HORMAD2: variants seen among roughly 807,000 people sequenced by gnomAD.
HORMAD2 encodes HORMA domain containing 2.
HORMAD2 carries 45 observed loss-of-function variants against 38.8 expected under a neutral mutation model. The ratio of observed to expected loss-of-function variants is 1.16; its 90% CI spans 0.91 to 1.49. The LOEUF (loss-of-function observed/expected upper bound fraction) is 1.49. Ranked by LOEUF, HORMAD2 falls within the 40% of genes most tolerant of loss-of-function variation. HORMAD2 has a pLI of 0.00. For synonymous variants in HORMAD2, 126 were observed against 122.8 expected, an observed-to-expected ratio of 1.03 and a Z score of -0.17; for missense variants, 338 against 367.0, an observed-to-expected ratio of 0.92 and a Z score of 0.65.
chr22:30,172,927 C>G (rs928113770), intron 10 of HORMAD2, among the ~76,000 whole-genome samples: 3 of 151,622 alleles, frequency 2.0e-5, no homozygotes, highest in Admixed American at 2.0e-4. Context: ...GGAGTTTACA[C>G]TGTGGATGGG....
the HORMAD2 span, among the ~76,000 whole-genome samples, chr22:30,201,200 C>T: frequency 7.2e-5 from 11 of 152,218 alleles, no homozygotes; most frequent in Non-Finnish European, 1.2e-4. Context: ...ATTCTTGGCA[C>T]GCAGGCCCAT....
chr22:30,189,459 A>T, the HORMAD2 span, among the ~76,000 whole-genome samples: 2 of 152,182 alleles, frequency 1.3e-5, no homozygotes, highest in African/African-American at 4.8e-5. Flanking sequence ...CAGAGGACTT[A>T]CAAAGGGTTT....
chr22:30,107,845 T>A (rs1170201535), intron 5 of HORMAD2, among the ~76,000 whole-genome samples: 2 of 151,910 alleles, frequency 1.3e-5, no homozygotes, highest in East Asian at 3.9e-4. Flanking sequence ...AAGAGCATGA[T>A]TATTTCTAGT....
At chr22:30,198,936 T>G in the HORMAD2 span, among the ~76,000 whole-genome samples, 1 of 152,194 alleles carries the variant, frequency 6.6e-6, no homozygotes, top group Admixed American at 6.5e-5. Flanking sequence ...CAGGTCTGTG[T>G]ACCAGCTTCG....
In HORMAD2 at chr22:30,082,682, T is replaced by C. The variant is rs138976586; in HGVS notation, c.-38+2191T>C. On this transcript the variant is annotated intron_variant, in intron 1 of 10. Coordinates refer to ENST00000336726, the MANE Select transcript of HORMAD2 (RefSeq NM_152510.4). ...GGTGGTGCATGCATATAGTCTCAGCTACTTGGAAGGCTGAGATAGGAGGAT... is the reference window on the plus strand; with the variant it reads ...GGTGGTGCATGCATATAGTCTCAGCCACTTGGAAGGCTGAGATAGGAGGAT... Among the ~76,000 whole-genome samples, 97 of 151,640 alleles carry C rather than the reference T, an allele frequency of 6.4e-4. 2 individuals carry two copies. The highest frequency in any genetic ancestry group is 3.4e-3 in the Middle Eastern group (1 of 294).
At chr22:30,168,111 A>T (rs1925894457) in intron 10 of HORMAD2, among the ~76,000 whole-genome samples, 1 of 152,186 alleles carries the variant, frequency 6.6e-6, no homozygotes, top group South Asian at 2.1e-4. Context: ...ACTCTACATT[A>T]TTTTTACAAA....
At chr22:30,171,909 G>C (rs937634938) in intron 10 of HORMAD2, among the ~76,000 whole-genome samples, 1 of 152,104 alleles carries the variant, frequency 6.6e-6, no homozygotes, top group African/African-American at 2.4e-5. Context: ...ATGTGCAAAG[G>C]TTTAGAATCA....
At position 30,083,223 on chromosome 22, in the gene HORMAD2, C is replaced by T. The variant is rs12167143; in HGVS notation, c.-38+2732C>T. Among the ~76,000 whole-genome samples, 588 of 152,236 alleles carry T rather than the reference C, an allele frequency of 3.9e-3. 7 individuals carry two copies. The highest frequency in any genetic ancestry group is 0.014 in the African/African-American group (569 of 41,536). On this transcript the variant is annotated intron_variant, in intron 1 of 10. Coordinates refer to ENST00000336726, the MANE Select transcript of HORMAD2 (RefSeq NM_152510.4). ...TCGAGGTTGCAGTGAGCCAAGATTG[C>T]GCCACTGCATTCCTGCCTGGGTAAA...
intron 1 of HORMAD2, among the ~76,000 whole-genome samples, chr22:30,090,794 C>T (rs1025112347): frequency 6.6e-6 from 1 of 152,172 alleles, no homozygotes; most frequent in African/African-American, 2.4e-5. Context: ...TATTTTGATA[C>T]ATGTATACAA....
At chr22:30,144,166 A>G (rs559558253) in intron 10 of HORMAD2, among the ~76,000 whole-genome samples, 8 of 152,294 alleles carry the variant, frequency 5.3e-5, no homozygotes, top group African/African-American at 1.7e-4. Flanking sequence ...AACACAACTA[A>G]TTGCTGGTGA....
chr22:30,158,607 C>CTTTG (rs1161713612), intron 10 of HORMAD2, among the ~76,000 whole-genome samples: 18 of 120,916 alleles, frequency 1.5e-4, no homozygotes, highest in African/African-American at 5.5e-4. Context: ...CCCTCCCTCC[C>CTTTG]TCCGTCCCTC....
intron 3 of HORMAD2, among the ~76,000 whole-genome samples, chr22:30,103,024 A>AT (rs1399977171): frequency 6.6e-6 from 1 of 152,186 alleles, no homozygotes; most frequent in Non-Finnish European, 1.5e-5. Flanking sequence ...TCCGTGTGAA[A>AT]TTTTTTATTC....
intron 10 of HORMAD2, among the ~76,000 whole-genome samples, chr22:30,129,267 G>T (rs1376460255): frequency 1.1e-5 from 1 of 92,262 alleles, no homozygotes; most frequent in Non-Finnish European, 2.3e-5. Context: ...GAGAGAGAGA[G>T]AATAAATAAT....
At chr22:30,206,718 G>A in the HORMAD2 span, among the ~76,000 whole-genome samples, 1 of 151,310 alleles carries the variant, frequency 6.6e-6, no homozygotes, top group Non-Finnish European at 1.5e-5. Context: ...CTGGGCTCAA[G>A]TGATCCTCCT....
chr22:30,206,664 G>GA, the HORMAD2 span, among the ~76,000 whole-genome samples: 6 of 149,806 alleles, frequency 4.0e-5, no homozygotes, highest in South Asian at 2.1e-4. Context: ...TTCCTTTTTG[G>GA]AAAAATGAAG....
chr22:30,170,448 A>G (rs749741374), intron 10 of HORMAD2, among the ~76,000 whole-genome samples: 1 of 152,176 alleles, frequency 6.6e-6, no homozygotes, highest in Non-Finnish European at 1.5e-5. Context: ...GTAGGCTGAC[A>G]CTTGGAGACC....
chr22:30,173,532 G>T (rs1035397991), intron 10 of HORMAD2, among the ~76,000 whole-genome samples: 5 of 152,188 alleles, frequency 3.3e-5, no homozygotes, highest in Non-Finnish European at 7.4e-5. Context: ...GGACACCTTG[G>T]GTGAGTGAGA....
At chr22:30,183,245 G>A in the HORMAD2 span, among the ~76,000 whole-genome samples, 1 of 152,228 alleles carries the variant, frequency 6.6e-6, no homozygotes, top group Non-Finnish European at 1.5e-5. Flanking sequence ...TATATTAAAT[G>A]GGATAATCAG....
intron 7 of HORMAD2, among the ~76,000 whole-genome samples, chr22:30,118,608 C>T (rs541764924): frequency 8.1e-4 from 124 of 152,334 alleles, no homozygotes; most frequent in Non-Finnish European, 1.6e-3. Flanking sequence ...TTGTTCACCG[C>T]TGTGACTCCA....
Sources: gnomAD v4.1 joint callset for allele counts (sites outside exome capture counted in the v4.1 genomes callset) on GRCh38, gnomAD v4.1.1 for gene constraint, MANE v1.5 for transcripts, NCBI Gene and HGNC (gene_info 2026-07-23, HGNC 2026-07-21) for gene names.